Variants in CHRM3 observed in about 807,000 individuals in gnomAD.
CHRM3 encodes the protein muscarinic acetylcholine receptor M3.
In CHRM3, 11 loss-of-function variants were observed where a neutral mutation model predicts 41.8. The ratio of observed to expected loss-of-function variants is 0.26; its 90% CI spans 0.17 to 0.44. CHRM3 has a LOEUF of 0.44. Among genes scored for constraint, CHRM3 ranks in the 20% least tolerant of loss-of-function variants. CHRM3 has a pLI of 1.00. For synonymous variants in CHRM3, 297 were observed against 301.4 expected (o/e 0.99, Z 0.15); for missense variants, 571 against 745.4 (o/e 0.77, Z 2.72).
At chr1:239,858,978 T>C (rs1675354024) in intron 6 of CHRM3, among the ~76,000 whole-genome samples, 1 of 152,336 alleles carries the variant, frequency 6.6e-6, no homozygotes, top group African/African-American at 2.4e-5. Flanking sequence ...ATACCACATT[T>C]TTATCCATTC....
chr1:239,656,776 A>G (rs1672758913), intron 4 of CHRM3, among the ~76,000 whole-genome samples: 1 of 152,194 alleles, frequency 6.6e-6, no homozygotes, highest in Non-Finnish European at 1.5e-5. Context: ...TATTATTATA[A>G]AACATGATTT....
At chr1:239,866,019 T>G (rs1233536963) in intron 6 of CHRM3, among the ~76,000 whole-genome samples, 1 of 152,034 alleles carries the variant, frequency 6.6e-6, no homozygotes, top group Admixed American at 6.6e-5. Context: ...AACAGCTGTA[T>G]GATGGGGGCT....
At chr1:239,453,097 G>C (rs906736244) in intron 1 of CHRM3, among the ~76,000 whole-genome samples, 11 of 152,204 alleles carry the variant, frequency 7.2e-5, no homozygotes, top group African/African-American at 2.7e-4. Context: ...ACCGCGCCCG[G>C]CCCAGGCTTG....
At chr1:239,500,916 A>G (rs1337607933) in intron 2 of CHRM3, among the ~76,000 whole-genome samples, 1 of 152,212 alleles carries the variant, frequency 6.6e-6, no homozygotes, top group Admixed American at 6.5e-5. Context: ...AGAAACTTAA[A>G]GTAAAAGGGT....
At chr1:239,730,039 A>C (rs1663815021) in intron 5 of CHRM3, among the ~76,000 whole-genome samples, 1 of 151,992 alleles carries the variant, frequency 6.6e-6, no homozygotes, top group Non-Finnish European at 1.5e-5. Flanking sequence ...GCCATCTTTT[A>C]TTAAGCCAGG....
chr1:239,872,299 A>C (rs1233446420), intron 6 of CHRM3, among the ~76,000 whole-genome samples: 1 of 152,236 alleles, frequency 6.6e-6, no homozygotes, highest in Non-Finnish European at 1.5e-5. Context: ...CTTAGTTTTC[A>C]TCTCTATAAA....
intron 6 of CHRM3, among the ~76,000 whole-genome samples, chr1:239,892,392 C>A (rs1678629079): frequency 1.3e-5 from 2 of 152,002 alleles, no homozygotes; most frequent in South Asian, 4.1e-4. Flanking sequence ...TCTTGCGTAC[C>A]AAGTTTAAAG....
intron 4 of CHRM3, among the ~76,000 whole-genome samples, chr1:239,658,019 G>T (rs1465590601): frequency 6.6e-6 from 1 of 152,182 alleles, no homozygotes; most frequent in Non-Finnish European, 1.5e-5. Context: ...AAGTGGTCCA[G>T]TCTGTGCCTT....
At chr1:239,701,373 C>T (rs1399489906) in intron 5 of CHRM3, among the ~76,000 whole-genome samples, 3 of 152,208 alleles carry the variant, frequency 2.0e-5, no homozygotes, top group African/African-American at 4.8e-5. Flanking sequence ...AGAGGCATGG[C>T]GCTGAAAACC....
chr1:239,431,476 A>T (rs911209810), intron 1 of CHRM3, among the ~76,000 whole-genome samples: 2 of 152,156 alleles, frequency 1.3e-5, no homozygotes, highest in African/African-American at 2.4e-5. Context: ...AAGGAAATAA[A>T]TTTTTTCTCT....
At chr1:239,631,340 C>T (rs12088787) in intron 3 of CHRM3, among the ~76,000 whole-genome samples, 6,816 of 152,210 alleles carry the variant, frequency 0.045, 182 homozygotes, top group Middle Eastern at 0.1. Flanking sequence ...AATCCCTCCA[C>T]ATGCACCTCT....
chr1:239,551,703 C>T (rs74315542), intron 3 of CHRM3, among the ~76,000 whole-genome samples: 12 of 152,244 alleles, frequency 7.9e-5, no homozygotes, highest in East Asian at 7.7e-4. Context: ...TAACACATGA[C>T]GCCCATCTTT....
At chr1:239,805,963 GAAACA>G (rs1440034607) in intron 5 of CHRM3, among the ~76,000 whole-genome samples, 1 of 151,994 alleles carries the variant, frequency 6.6e-6, no homozygotes, top group Non-Finnish European at 1.5e-5. Flanking sequence ...CGTTAAAAAC[GAAACA>G]AAACAAAACA....
At chr1:239,393,037 G>A (rs1483039252) in intron 1 of CHRM3, among the ~76,000 whole-genome samples, 1 of 152,100 alleles carries the variant, frequency 6.6e-6, no homozygotes, top group African/African-American at 2.4e-5. Flanking sequence ...GCATACACCT[G>A]TAGTCCCAGG....
At chr1:239,451,296 A>G (rs1252599735) in intron 1 of CHRM3, among the ~76,000 whole-genome samples, 2 of 152,248 alleles carry the variant, frequency 1.3e-5, no homozygotes, top group Non-Finnish European at 2.9e-5. Flanking sequence ...AAAAGAGCTT[A>G]TCTTTTATAA....
chr1:239,523,434 A>AT (rs1001055684), intron 2 of CHRM3, among the ~76,000 whole-genome samples: 22 of 152,154 alleles, frequency 1.4e-4, no homozygotes, highest in African/African-American at 5.1e-4. Context: ...CTCAGCAGTG[A>AT]TTTTTTACAA....
At chr1:239,811,858 A>T (rs1380313842) in intron 5 of CHRM3, among the ~76,000 whole-genome samples, 1 of 152,218 alleles carries the variant, frequency 6.6e-6, no homozygotes, top group East Asian at 1.9e-4. Flanking sequence ...CTTTAAAAAA[A>T]AATAGACAAT....
chr1:239,723,544 T>C (rs1195134229), intron 5 of CHRM3, among the ~76,000 whole-genome samples: 1 of 151,952 alleles, frequency 6.6e-6, no homozygotes, highest in East Asian at 1.9e-4. Context: ...ATATGGCTAT[T>C]ACTAAAATGT....
chr1:239,671,331 C>A (rs933542988), intron 4 of CHRM3, among the ~76,000 whole-genome samples: 3 of 152,174 alleles, frequency 2.0e-5, no homozygotes, highest in East Asian at 1.9e-4. Flanking sequence ...AATCCCAACA[C>A]CTTGGGAGAC....
Sources: allele counts gnomAD v4.1 joint callset (sites outside exome capture counted in the v4.1 genomes callset), GRCh38; gene constraint gnomAD v4.1.1; transcripts MANE v1.5; gene names NCBI Gene and HGNC (gene_info 2026-07-23, HGNC 2026-07-21).